Variants in AKAIN1 observed in about 807,000 individuals in gnomAD.
The protein encoded by AKAIN1 is A-kinase anchor protein inhibitor 1.
In AKAIN1, 3 loss-of-function variants were observed where a neutral mutation model predicts 3.7. That is an observed-to-expected ratio of 0.82 (90% CI 0.37 to 2.12). The LOEUF (loss-of-function observed/expected upper bound fraction) is 2.12. Ranked by LOEUF, AKAIN1 falls within the 30% of genes most tolerant of loss-of-function variation. The pLI, the probability that AKAIN1 is intolerant of heterozygous loss-of-function variation, is 0.06. For missense variants in AKAIN1, 82 were observed against 82.7 expected (o/e 0.99, Z 0.03); for synonymous variants, 31 against 30.8 (o/e 1.01, Z -0.02).
chr18:5,184,045 C>T (rs1425776662), intron 1 of AKAIN1, among the ~76,000 whole-genome samples: 1 of 152,012 alleles, frequency 6.6e-6, no homozygotes, highest in Non-Finnish European at 1.5e-5. Context: ...AAATATGAAA[C>T]ACATGGCACT....
At chr18:5,147,112 C>T (rs2071053728) in intron 1 of AKAIN1, among the ~76,000 whole-genome samples, 1 of 152,184 alleles carries the variant, frequency 6.6e-6, no homozygotes, top group Non-Finnish European at 1.5e-5. Context: ...GTCCTCTCCC[C>T]ATCCTATTGC....
chr18:5,164,229 A>C (rs1160975102), intron 1 of AKAIN1, among the ~76,000 whole-genome samples: 1 of 152,088 alleles, frequency 6.6e-6, no homozygotes, highest in Non-Finnish European at 1.5e-5. Flanking sequence ...AGATAAATTG[A>C]TACAAAGATG....
chr18:5,169,304 C>T (rs2071184515), intron 1 of AKAIN1, among the ~76,000 whole-genome samples: 1 of 152,016 alleles, frequency 6.6e-6, no homozygotes, highest in Non-Finnish European at 1.5e-5. Context: ...TTAAAAATAT[C>T]CTACTGCAAC....
intron 1 of AKAIN1, among the ~76,000 whole-genome samples, chr18:5,194,659 G>A (rs1237949939): frequency 1.3e-5 from 2 of 152,144 alleles, no homozygotes; most frequent in African/African-American, 4.8e-5. Flanking sequence ...TTGCCCTCCT[G>A]TGCTAAAATC....
chr18:5,159,690 T>C (rs1237908268), intron 1 of AKAIN1, among the ~76,000 whole-genome samples: 2 of 152,190 alleles, frequency 1.3e-5, no homozygotes, highest in Non-Finnish European at 2.9e-5. Flanking sequence ...TCTTATTTTT[T>C]CATGAAACAT....
chr18:5,161,366 CTGTTA>C lies in AKAIN1; in HGVS notation c.17-15616_17-15612del, dbSNP rs1488607918. ...GTTAATGTATAGAAATGAAATAAAT[CTGTTA>C]TGTTAATTATTGATTTTAAATTCAG... On this transcript the variant is annotated intron_variant, in intron 1 of 1. Transcript: ENST00000434239. 8.6e-5 allele frequency among the ~76,000 whole-genome samples: 13 copies of C among 152,046 alleles called. No homozygotes were observed. The East Asian group carries it at 1.7e-3, about 20-fold the overall frequency.
intron 1 of AKAIN1, among the ~76,000 whole-genome samples, chr18:5,184,380 T>C (rs1162285225): frequency 6.6e-6 from 1 of 151,962 alleles, no homozygotes; most frequent in African/African-American, 2.4e-5. Context: ...AGACATCAAA[T>C]AGGAGGAAAG....
chr18:5,193,827 T>C (rs1428501701), intron 1 of AKAIN1, among the ~76,000 whole-genome samples: 1 of 152,186 alleles, frequency 6.6e-6, no homozygotes, highest in Non-Finnish European at 1.5e-5. Context: ...TGTAAGATAT[T>C]GCTATAGCCA....
chr18:5,185,025 GC>G (rs2071278938), intron 1 of AKAIN1, among the ~76,000 whole-genome samples: 1 of 151,802 alleles, frequency 6.6e-6, no homozygotes, highest in Admixed American at 6.6e-5. Context: ...AGAATAGAGA[GC>G]CCAGAAATAT....
chr18:5,164,936 T>C (rs2071159522), intron 1 of AKAIN1, among the ~76,000 whole-genome samples: 1 of 152,068 alleles, frequency 6.6e-6, no homozygotes, highest in Non-Finnish European at 1.5e-5. Flanking sequence ...TAATATGTAT[T>C]CAATTATATC....
In AKAIN1 at chr18:5,145,674, G is replaced by A. The variant is rs1340286985; in HGVS notation, c.98C>T (p.Ala33Val). Reference sequence around the variant, plus strand: ...ACTCTCCTGGGAGACTTGCTGCACAGCTTGCAGGATTGCATTCTGCACAAT... The same window carrying A: ...ACTCTCCTGGGAGACTTGCTGCACAACTTGCAGGATTGCATTCTGCACAAT... ...KQIVQNAILQ[A>V]VQQVSQESQR... Residue 33 changes from alanine (A) to valine (V), a missense_variant, in exon 2 of 2, where the codon GCT (alanine) becomes GTT (valine). Coordinates refer to ENST00000434239, the MANE Select transcript of AKAIN1 (RefSeq NM_001145194.2). 2 of 1,551,538 alleles carry A rather than the reference G, an allele frequency of 1.3e-6. No homozygotes were observed. Among genetic ancestry groups the A allele is most frequent in the South Asian group, 2.4e-5 (2 of 84,058 alleles).
intron 1 of AKAIN1, among the ~76,000 whole-genome samples, chr18:5,171,407 A>C (rs1467345212): frequency 6.6e-6 from 1 of 152,152 alleles, no homozygotes; most frequent in Non-Finnish European, 1.5e-5. Context: ...GAGACAACCC[A>C]CAGAATGGAA....
intron 1 of AKAIN1, among the ~76,000 whole-genome samples, chr18:5,180,888 T>A (rs2071253941): frequency 6.6e-6 from 1 of 152,064 alleles, no homozygotes; most frequent in Non-Finnish European, 1.5e-5. Flanking sequence ...AGCCCTCCTG[T>A]CTAAATGTCA....
At chr18:5,146,217 C>T (rs761448011) in intron 1 of AKAIN1, among the ~76,000 whole-genome samples, 8 of 152,098 alleles carry the variant, frequency 5.3e-5, no homozygotes, top group Admixed American at 3.9e-4. Context: ...AAGAACAGAC[C>T]GTTGCCCTTT....
chr18:5,154,823 C>T (rs775440679), intron 1 of AKAIN1, among the ~76,000 whole-genome samples: 1 of 152,236 alleles, frequency 6.6e-6, no homozygotes, highest in Non-Finnish European at 1.5e-5. Context: ...TAGCATTCCT[C>T]CTGTCATCTA....
At chr18:5,161,256 A>G (rs553544424) in intron 1 of AKAIN1, among the ~76,000 whole-genome samples, 51 of 152,246 alleles carry the variant, frequency 3.3e-4, no homozygotes, top group Non-Finnish European at 6.5e-4. Flanking sequence ...AAGGTATTGT[A>G]CATCTTTTGT....
intron 1 of AKAIN1, among the ~76,000 whole-genome samples, chr18:5,166,571 G>C (rs2071169072): frequency 6.6e-6 from 1 of 152,004 alleles, no homozygotes; most frequent in Admixed American, 6.6e-5. Flanking sequence ...CATCTTTAAA[G>C]AACATCTCAA....
At chr18:5,150,187 G>A (rs909432584) in intron 1 of AKAIN1, among the ~76,000 whole-genome samples, 4 of 152,164 alleles carry the variant, frequency 2.6e-5, no homozygotes, top group South Asian at 4.1e-4. Flanking sequence ...ACTTCCTGGC[G>A]TTCCTATGGC....
intron 1 of AKAIN1, among the ~76,000 whole-genome samples, chr18:5,162,625 CGTGT>C (rs150673471): frequency 0.058 from 8,479 of 145,768 alleles, 306 homozygotes; most frequent in East Asian, 0.1. Flanking sequence ...CAATGTGATG[CGTGT>C]GTGTGTGTGT....
Sources: allele counts gnomAD v4.1 joint callset (sites outside exome capture counted in the v4.1 genomes callset), GRCh38; gene constraint gnomAD v4.1.1; transcripts MANE v1.5; gene names NCBI Gene and HGNC (gene_info 2026-07-23, HGNC 2026-07-21).